FARS2: variants seen among roughly 807,000 people sequenced by gnomAD.
FARS2 encodes phenylalanine--tRNA ligase, mitochondrial.
A neutral mutation model predicts 46.4 loss-of-function variants in FARS2; 40 were observed. The observed-to-expected ratio is 0.86, with a 90% CI of 0.67 to 1.12. The LOEUF (loss-of-function observed/expected upper bound fraction) is 1.12. Ranked by LOEUF, FARS2 falls within the 50% of genes most tolerant of loss-of-function variation. FARS2 has a pLI of 0.00. For synonymous variants in FARS2, 234 were observed against 214.9 expected (o/e 1.09, Z -0.78); for missense variants, 513 against 567.9 (o/e 0.90, Z 0.98).
rs559652342 is a variant in FARS2, at chr6:5,764,879, C to A, written c.1218-6412C>A. 3.3e-5 allele frequency among the ~76,000 whole-genome samples: 5 copies of A among 152,176 alleles called. No individual in the cohort carries two copies. Among genetic ancestry groups the A allele is most frequent in the Non-Finnish European group, 7.4e-5 (5 of 68,016 alleles). On this transcript the variant is annotated intron_variant, in intron 6 of 6. Coordinates refer to ENST00000274680, the MANE Select transcript of FARS2 (RefSeq NM_006567.5). The surrounding 1 kb of genome is among the most constrained non-coding windows in gnomAD (Gnocchi z 4.1). Reference sequence around the variant, plus strand: ...CCCTTGTGCCAGCTTTCCAATAAGGCTTGAGAGTTCTTTAGAAAATCTCCT... The same window carrying A: ...CCCTTGTGCCAGCTTTCCAATAAGGATTGAGAGTTCTTTAGAAAATCTCCT...
chr6:5,286,865 T>A (rs2127881919), intron 1 of FARS2, among the ~76,000 whole-genome samples: 1 of 152,378 alleles, frequency 6.6e-6, no homozygotes, highest in East Asian at 1.9e-4. Flanking sequence ...TTAATTTTGG[T>A]GCCACTGCAG....
intron 1 of FARS2, among the ~76,000 whole-genome samples, chr6:5,351,244 G>A (rs1458646537): frequency 6.6e-6 from 1 of 152,154 alleles, no homozygotes; most frequent in African/African-American, 2.4e-5. Context: ...ATATATATAA[G>A]CCATTTTATG....
intron 5 of FARS2, among the ~76,000 whole-genome samples, chr6:5,573,568 G>T (rs969643087): frequency 8.5e-5 from 13 of 152,294 alleles, no homozygotes; most frequent in African/African-American, 3.1e-4. Context: ...TGGTCTTTCT[G>T]ACTCCTGTGC....
rs977801618 is a variant in FARS2 at position 5,658,044 on chromosome 6, G to T, written c.1217+44724G>T. Among the ~76,000 whole-genome samples, 3 of 152,190 alleles carry T rather than the reference G, an allele frequency of 2.0e-5. No individual in the cohort carries two copies. In the East Asian group the frequency reaches 5.8e-4, roughly 29 times the overall value. ...GGCCGAGGTGGGCGGATCACCTGAGGTGGGGAATTCAAGACCAGTCTGATG... is the reference window on the plus strand; with the variant it reads ...GGCCGAGGTGGGCGGATCACCTGAGTTGGGGAATTCAAGACCAGTCTGATG... On this transcript the variant is annotated intron_variant, in intron 6 of 6. Transcript: ENST00000274680.
intron 6 of FARS2, among the ~76,000 whole-genome samples, chr6:5,717,931 T>TGGAGAGAGAGAGAGAGAGAG (rs1759617893): frequency 8.4e-6 from 1 of 118,518 alleles, no homozygotes; most frequent in Non-Finnish European, 1.7e-5. Flanking sequence ...TATATATATA[T>TGGAGAGAGAGAGAGAGAGAG]ATATACAGAG....
intron 6 of FARS2, 83 bp from the exon 7 acceptor site, chr6:5,771,208 A>G (rs1763029385): frequency 3.9e-6 from 6 of 1,528,228 alleles, no homozygotes; most frequent in Non-Finnish European, 5.4e-6. Context: ...AGTTGGGGAG[A>G]TCTGGCCAGG....
chr6:5,416,576 T>A (rs1174640916), intron 3 of FARS2, among the ~76,000 whole-genome samples: 1 of 152,226 alleles, frequency 6.6e-6, no homozygotes, highest in Admixed American at 6.5e-5. Flanking sequence ...TTCTTGTAAC[T>A]TTGTTCTTTT....
At chr6:5,761,149 A>G (rs1762456226) in intron 6 of FARS2, among the ~76,000 whole-genome samples, 1 of 152,086 alleles carries the variant, frequency 6.6e-6, no homozygotes, top group African/African-American at 2.4e-5. Flanking sequence ...ATCTAGACCT[A>G]ATCTCATCTC....
At chr6:5,587,310 A>G (rs1561733451) in intron 5 of FARS2, among the ~76,000 whole-genome samples, 1 of 152,224 alleles carries the variant, frequency 6.6e-6, no homozygotes, top group Non-Finnish European at 1.5e-5. Flanking sequence ...GTCACCGTTC[A>G]TAGAATTTCA....
At chr6:5,348,837 T>C (rs1229314815) in intron 1 of FARS2, among the ~76,000 whole-genome samples, 1 of 152,120 alleles carries the variant, frequency 6.6e-6, no homozygotes, top group African/African-American at 2.4e-5. Flanking sequence ...CTTTTTCAAC[T>C]TGATAACATT....
chr6:5,592,737 G>A (rs1773986229), intron 5 of FARS2, among the ~76,000 whole-genome samples: 1 of 152,226 alleles, frequency 6.6e-6, no homozygotes, highest in African/African-American at 2.4e-5. Context: ...CTCTGATGTT[G>A]ATATACCCTG....
chr6:5,513,085 T>C (rs1270049574), intron 4 of FARS2, among the ~76,000 whole-genome samples: 1 of 152,042 alleles, frequency 6.6e-6, no homozygotes, highest in African/African-American at 2.4e-5. Context: ...TATGGGAATA[T>C]TTCCTAGGGG....
chr6:5,390,258 A>G (rs1272104356), intron 2 of FARS2, among the ~76,000 whole-genome samples: 2 of 152,246 alleles, frequency 1.3e-5, no homozygotes, highest in Non-Finnish European at 2.9e-5. Flanking sequence ...AGGTAAGGCC[A>G]GTTTCCAAGC....
chr6:5,556,485 C>T (rs1360191349), intron 5 of FARS2, among the ~76,000 whole-genome samples: 2 of 151,866 alleles, frequency 1.3e-5, no homozygotes, highest in Non-Finnish European at 2.9e-5. Flanking sequence ...TAACTTTAGC[C>T]TTATGATGTT....
chr6:5,318,630 G>A (rs1003653775), intron 1 of FARS2, among the ~76,000 whole-genome samples: 2 of 152,252 alleles, frequency 1.3e-5, no homozygotes, highest in African/African-American at 2.4e-5. Flanking sequence ...ACGAAAGTAC[G>A]CTGCACAGAG....
chr6:5,286,735 A>G (rs888130141), intron 1 of FARS2, among the ~76,000 whole-genome samples: 1 of 152,254 alleles, frequency 6.6e-6, no homozygotes, highest in African/African-American at 2.4e-5. Flanking sequence ...TTAATACCAT[A>G]TAATTATGTA....
chr6:5,578,575 C>T (rs1312731639), intron 5 of FARS2, among the ~76,000 whole-genome samples: 3 of 151,854 alleles, frequency 2.0e-5, no homozygotes, highest in African/African-American at 7.3e-5. Context: ...TTTGGGAGGC[C>T]GAGTTGGGCA....
rs1019125534 is a variant in FARS2, at chr6:5,765,671, G to A, written c.1218-5620G>A. ...GAGGTTCCACGTGGGGTGCGGTGTG[G>A]CTGACTTCATCGCCAAGCAAGTACC... On this transcript the variant is annotated intron_variant, in intron 6 of 6. Transcript: ENST00000274680. This position sits in a 1 kb window ranked among gnomAD's most constrained non-coding sequence, Gnocchi z 4.0. Among the ~76,000 whole-genome samples, 15 of 152,278 alleles carry A rather than the reference G, an allele frequency of 9.9e-5. No individual in the cohort carries two copies. The highest frequency in any genetic ancestry group is 9.8e-4 in the Admixed American group (15 of 15,302).
intron 4 of FARS2, among the ~76,000 whole-genome samples, chr6:5,541,406 T>C (rs1227646505): frequency 6.6e-6 from 1 of 152,182 alleles, no homozygotes; most frequent in Non-Finnish European, 1.5e-5. Context: ...TATACAGTCA[T>C]GTAAACACCC....
Sources: gnomAD v4.1 joint callset for allele counts (sites outside exome capture counted in the v4.1 genomes callset) on GRCh38, gnomAD v4.1.1 for gene constraint, Gnocchi (gnomAD v3.1) non-coding constraint, MANE v1.5 for transcripts, NCBI Gene and HGNC (gene_info 2026-07-23, HGNC 2026-07-21) for gene names.